The following AGBL4 variants were observed in gnomAD, a reference collection of about 807,000 sequenced individuals.
AGBL4 encodes the protein AGBL carboxypeptidase 4, also known as cytosolic carboxypeptidase 6.
Under a neutral mutation model 66.4 loss-of-function variants are expected in AGBL4, and 58 were observed. That is an observed-to-expected ratio of 0.87 (90% confidence interval 0.71 to 1.09). The LOEUF (loss-of-function observed/expected upper bound fraction) is 1.09. Among genes scored for constraint, AGBL4 ranks in the 50% least tolerant of loss-of-function variants. The pLI is 0.00. For synonymous variants in AGBL4, 234 were observed against 222.9 expected (o/e 1.05, Z -0.44); for missense variants, 579 against 631.0 (o/e 0.92, Z 0.88).
intron 3 of AGBL4, among the ~76,000 whole-genome samples, chr1:49,326,357 A>T (rs1263789215): frequency 2.0e-5 from 3 of 152,114 alleles, no homozygotes; most frequent in Non-Finnish European, 4.4e-5. Context: ...ACTCTTGAAG[A>T]TTATTGGTCT....
At chr1:48,737,059 G>A (rs529154338) in intron 6 of AGBL4, among the ~76,000 whole-genome samples, 77 of 152,250 alleles carry the variant, frequency 5.1e-4, no homozygotes, top group African/African-American at 1.6e-3. Context: ...AGAGGTGGGC[G>A]GATCACGAGA....
intron 6 of AGBL4, among the ~76,000 whole-genome samples, chr1:48,803,245 T>A (rs572964222): frequency 1.3e-5 from 2 of 152,170 alleles, no homozygotes; most frequent in East Asian, 3.9e-4. Flanking sequence ...GGTTATGAGC[T>A]CTATAGGCAG....
At chr1:49,885,973 T>A (rs926982015) in intron 1 of AGBL4, among the ~76,000 whole-genome samples, 1 of 152,106 alleles carries the variant, frequency 6.6e-6, no homozygotes, top group African/African-American at 2.4e-5. Flanking sequence ...CAAGTGATGA[T>A]CTTGGACTTC....
chr1:49,999,245 T>A (rs905974122), intron 1 of AGBL4, among the ~76,000 whole-genome samples: 3 of 151,464 alleles, frequency 2.0e-5, no homozygotes, highest in Non-Finnish European at 4.4e-5. Context: ...GGATACAAAA[T>A]TAATGTACAC....
At chr1:48,760,141 A>G (rs182359589) in intron 6 of AGBL4, among the ~76,000 whole-genome samples, 58 of 152,330 alleles carry the variant, frequency 3.8e-4, no homozygotes, top group Non-Finnish European at 1.6e-4. Context: ...CAGTGGATAG[A>G]GAGAAGAAAG....
At chr1:49,017,928 C>T (rs1307271818) in intron 5 of AGBL4, among the ~76,000 whole-genome samples, 1 of 152,094 alleles carries the variant, frequency 6.6e-6, no homozygotes, top group South Asian at 2.1e-4. Flanking sequence ...AGAAGACAAC[C>T]TAGAGGAAGA....
chr1:48,744,931 A>C (rs2148606341), intron 6 of AGBL4, among the ~76,000 whole-genome samples: 1 of 152,332 alleles, frequency 6.6e-6, no homozygotes, highest in African/African-American at 2.4e-5. Flanking sequence ...CCAAGCACCC[A>C]GTTAGACTTT....
chr1:48,627,624 T>C (rs1645526552), intron 9 of AGBL4, among the ~76,000 whole-genome samples: 1 of 152,088 alleles, frequency 6.6e-6, no homozygotes, highest in Non-Finnish European at 1.5e-5. Flanking sequence ...TTGCTCTATT[T>C]TAAAAACTGC....
chr1:48,609,725 C>T (rs1330981050), intron 9 of AGBL4, among the ~76,000 whole-genome samples: 1 of 152,168 alleles, frequency 6.6e-6, no homozygotes, highest in Non-Finnish European at 1.5e-5. Context: ...GCTTGGTTGC[C>T]ATTTTCATTA....
rs1198791886 is a variant in AGBL4, at chr1:49,723,551, G to A, written c.158-26114C>T. 2.0e-5 allele frequency among the ~76,000 whole-genome samples: 3 copies of A among 151,906 alleles called. No homozygotes were observed. In the East Asian group the frequency reaches 5.8e-4, roughly 29 times the overall value. ...GTTTCCACAAAGATATACAATCTTG[G>A]CACATTTCCTCAAGCTATTCCACAG... On this transcript the variant is annotated intron_variant, in intron 2 of 13. Transcript: ENST00000371839.
chr1:49,643,659 GA>G (rs1645828347), intron 3 of AGBL4, among the ~76,000 whole-genome samples: 1 of 151,614 alleles, frequency 6.6e-6, no homozygotes, highest in South Asian at 2.1e-4. Flanking sequence ...AATGCAAGCT[GA>G]AACCAAGTGC....
At chr1:49,510,180 C>A (rs1272595765) in intron 3 of AGBL4, among the ~76,000 whole-genome samples, 2 of 151,564 alleles carry the variant, frequency 1.3e-5, no homozygotes, top group Admixed American at 1.3e-4. Context: ...AATGGTTGAA[C>A]TAGTTTACAG....
chr1:49,354,755 A>G (rs1570506428), intron 3 of AGBL4, among the ~76,000 whole-genome samples: 1 of 152,254 alleles, frequency 6.6e-6, no homozygotes, highest in Non-Finnish European at 1.5e-5. Flanking sequence ...TCACAAAAAC[A>G]TAAGCTTCTA....
chr1:49,471,371 T>G (rs904743522), intron 3 of AGBL4, among the ~76,000 whole-genome samples: 2 of 152,042 alleles, frequency 1.3e-5, no homozygotes, highest in African/African-American at 4.8e-5. Flanking sequence ...TGTTTTTGTT[T>G]TCAGTCTTAA....
intron 6 of AGBL4, among the ~76,000 whole-genome samples, chr1:48,852,204 C>T (rs1263774946): frequency 6.6e-6 from 1 of 152,174 alleles, no homozygotes; most frequent in Non-Finnish European, 1.5e-5. Flanking sequence ...CCTGGCCTAA[C>T]TGATCTCAAA....
intron 2 of AGBL4, among the ~76,000 whole-genome samples, chr1:49,771,993 A>G (rs1479787313): frequency 6.6e-6 from 1 of 152,040 alleles, no homozygotes; most frequent in African/African-American, 2.4e-5. Flanking sequence ...TTGATAGGTA[A>G]GGATGTACTC....
chr1:49,981,324 G>A lies in AGBL4; in HGVS notation c.34+42439C>T, dbSNP rs541527877. On this transcript the variant is annotated intron_variant, in intron 1 of 13. Transcript: ENST00000371839. ...AAAAAGACAATATGGAATTCCAATC[G>A]TCAGAATAATACCAAAAGGAATGCC... 2.4e-4 allele frequency among the ~76,000 whole-genome samples: 37 copies of A among 152,138 alleles called. No individual in the cohort carries two copies. In the South Asian group the frequency reaches 2.5e-3, roughly 10 times the overall value.
chr1:49,391,213 G>T (rs1644838950), intron 3 of AGBL4, among the ~76,000 whole-genome samples: 1 of 152,176 alleles, frequency 6.6e-6, no homozygotes, highest in Non-Finnish European at 1.5e-5. Context: ...GGAGGCACAG[G>T]CAACATTGAA....
chr1:49,741,004 G>T (rs1398423412), intron 2 of AGBL4, among the ~76,000 whole-genome samples: 2 of 152,056 alleles, frequency 1.3e-5, no homozygotes, highest in Admixed American at 6.6e-5. Flanking sequence ...AGAAGCAAGA[G>T]AAAACACATT....
Sources: gnomAD v4.1 joint callset for allele counts (sites outside exome capture counted in the v4.1 genomes callset) on GRCh38, gnomAD v4.1.1 for gene constraint, MANE v1.5 for transcripts, NCBI Gene and HGNC (gene_info 2026-07-23, HGNC 2026-07-21) for gene names.